ZRANB1: variants seen among roughly 807,000 people sequenced by gnomAD.
ZRANB1 encodes ubiquitin thioesterase ZRANB1.
ZRANB1 carries 16 observed loss-of-function variants against 80.5 expected under a neutral mutation model. The observed-to-expected ratio is 0.20, with a 90% CI of 0.13 to 0.30. The LOEUF (loss-of-function observed/expected upper bound fraction) is 0.30. Among genes scored for constraint, ZRANB1 ranks in the 10% least tolerant of loss-of-function variants. The probability of loss-of-function intolerance (pLI) is 1.00; values close to 1 mark genes in which losing one functional copy is unlikely to be tolerated. For missense variants in ZRANB1, 576 were observed against 862.6 expected (o/e 0.67, Z 4.16); for synonymous variants, 291 against 293.1 (o/e 0.99, Z 0.07).
intron 1 of ZRANB1, chr10:124,962,219 C>T (rs1463725300): frequency 5.4e-6 from 1 of 185,028 alleles, no homozygotes; most frequent in African/African-American, 2.4e-5. Context: ...ACCACATCTG[C>T]ATCTTTCTCT....
At chr10:124,920,055 T>C in the ZRANB1 span, among the ~76,000 whole-genome samples, 1 of 151,826 alleles carries the variant, frequency 6.6e-6, no homozygotes, top group Non-Finnish European at 1.5e-5. Context: ...GAGTAGCTGC[T>C]GGGATTACAG....
chr10:124,933,674 A>G, the ZRANB1 span, among the ~76,000 whole-genome samples: 24 of 152,172 alleles, frequency 1.6e-4, no homozygotes, highest in Non-Finnish European at 3.5e-4. Context: ...CCTTTGGTAA[A>G]TGTTGTCATA....
chr10:124,925,873 G>A, the ZRANB1 span, among the ~76,000 whole-genome samples: 1 of 152,152 alleles, frequency 6.6e-6, no homozygotes, highest in African/African-American at 2.4e-5. Context: ...ATTTTTAGGT[G>A]ATTTTGTCGT....
intron 2 of ZRANB1, among the ~76,000 whole-genome samples, chr10:124,967,297 A>C (rs149389822): frequency 6.6e-6 from 1 of 152,218 alleles, no homozygotes; most frequent in African/African-American, 2.4e-5. Context: ...AGAAAGAGTT[A>C]GGAGTTAGCC....
chr10:124,970,771 C>A (rs1367221303), intron 2 of ZRANB1, among the ~76,000 whole-genome samples: 1 of 150,900 alleles, frequency 6.6e-6, no homozygotes, highest in Non-Finnish European at 1.5e-5. Flanking sequence ...TTGGGATAAT[C>A]GTCCAGGTTG....
At chr10:124,959,383 C>G (rs1379882491) in intron 1 of ZRANB1, among the ~76,000 whole-genome samples, 2 of 151,782 alleles carry the variant, frequency 1.3e-5, no homozygotes, top group Non-Finnish European at 2.9e-5. Flanking sequence ...AATATTGGGA[C>G]TATTTAACCT....
intron 1 of ZRANB1, among the ~76,000 whole-genome samples, chr10:124,965,419 C>T (rs1406120130): frequency 6.6e-6 from 1 of 152,152 alleles, no homozygotes; most frequent in East Asian, 1.9e-4. Flanking sequence ...CTTTGTACTT[C>T]TCATATTGCC....
the ZRANB1 span, among the ~76,000 whole-genome samples, chr10:124,927,466 G>A: frequency 6.6e-5 from 10 of 152,252 alleles, no homozygotes; most frequent in Middle Eastern, 3.4e-3. Flanking sequence ...TTTGTGGTGG[G>A]TAATTAACTT....
At chr10:124,941,048 G>A (rs1156463860), upstream of ZRANB1, among the ~76,000 whole-genome samples, 1 of 151,914 alleles carries the variant, frequency 6.6e-6, no homozygotes, top group Non-Finnish European at 1.5e-5. Context: ...AACCCTCTAG[G>A]TTCAGGAAAA....
intron 1 of ZRANB1, among the ~76,000 whole-genome samples, chr10:124,961,285 C>A (rs1306879917): frequency 1.3e-5 from 2 of 152,146 alleles, no homozygotes; most frequent in Non-Finnish European, 2.9e-5. Context: ...GGATTACAGG[C>A]GTGAGCCACT....
the ZRANB1 span, among the ~76,000 whole-genome samples, chr10:124,934,764 T>C: frequency 6.6e-6 from 1 of 152,192 alleles, no homozygotes; most frequent in Admixed American, 6.5e-5. Context: ...ATACAAATTT[T>C]TAAATTATCA....
chr10:124,920,478 G>C, the ZRANB1 span, among the ~76,000 whole-genome samples: 2 of 152,124 alleles, frequency 1.3e-5, no homozygotes, highest in Non-Finnish European at 2.9e-5. Context: ...TGGTGTTCAA[G>C]TTTCTCTGTA....
the ZRANB1 span, among the ~76,000 whole-genome samples, chr10:124,929,635 G>C: frequency 6.6e-6 from 1 of 151,408 alleles, no homozygotes; most frequent in Non-Finnish European, 1.5e-5. Context: ...ACCGCGCCTG[G>C]CCAACACAGA....
upstream of ZRANB1, among the ~76,000 whole-genome samples, chr10:124,937,999 G>A (rs941665503): frequency 6.6e-6 from 1 of 152,180 alleles, no homozygotes; most frequent in Non-Finnish European, 1.5e-5. Context: ...ATTAATTGAA[G>A]TTTGAGTCCT....
intron 1 of ZRANB1, among the ~76,000 whole-genome samples, chr10:124,963,741 T>C (rs1345942686): frequency 2.0e-5 from 3 of 152,060 alleles, no homozygotes; most frequent in Non-Finnish European, 4.4e-5. Flanking sequence ...AGAAGTTCTC[T>C]TTGAGCAGTG....
the ZRANB1 span, among the ~76,000 whole-genome samples, chr10:124,929,528 C>T: frequency 6.6e-5 from 10 of 151,560 alleles, no homozygotes; most frequent in East Asian, 2.0e-4. Flanking sequence ...TTAGTAGAGA[C>T]GGGGTTTCAC....
At chr10:124,941,064 TGAGA>T (rs1453446829), upstream of ZRANB1, among the ~76,000 whole-genome samples, 5 of 152,142 alleles carry the variant, frequency 3.3e-5, no homozygotes, top group African/African-American at 4.8e-5. Flanking sequence ...GAAAAATCCC[TGAGA>T]AAGAGAGAGC....
chr10:124,923,028 C>T, the ZRANB1 span, among the ~76,000 whole-genome samples: 2 of 152,072 alleles, frequency 1.3e-5, no homozygotes, highest in Non-Finnish European at 2.9e-5. Flanking sequence ...GTGGCTCACT[C>T]CTGTGATCCC....
intron 3 of ZRANB1, 58 bp from the exon 4 acceptor site, chr10:124,973,587 A>G (rs1304316011): frequency 9.6e-6 from 14 of 1,457,126 alleles, no homozygotes; most frequent in African/African-American, 8.5e-5. Context: ...GTAATTAAGT[A>G]TAAGTTAAGT....
Sources: allele counts gnomAD v4.1 joint callset (sites outside exome capture counted in the v4.1 genomes callset), GRCh38; gene constraint gnomAD v4.1.1; transcripts MANE v1.5; gene names NCBI Gene and HGNC (gene_info 2026-07-23, HGNC 2026-07-21).